BBS9: variants seen among roughly 807,000 people sequenced by gnomAD.
BBS9 encodes the protein protein PTHB1.
A neutral mutation model predicts 117.7 loss-of-function variants in BBS9; 89 were observed. That is an observed-to-expected ratio of 0.76 (90% confidence interval 0.64 to 0.90). The LOEUF is 0.90. Ranked by LOEUF, BBS9 falls within the 40% of genes least tolerant of loss-of-function variation. The pLI, the probability that BBS9 is intolerant of heterozygous loss-of-function variation, is 0.00. For missense variants in BBS9, 982 were observed against 1,042.2 expected, an observed-to-expected ratio of 0.94 and a Z score of 0.80; for synonymous variants, 379 against 370.9, an observed-to-expected ratio of 1.02 and a Z score of -0.25.
chr7:33,199,884 GA>G lies in BBS9; in HGVS notation c.442+22296del, dbSNP rs1160967318. ...TTATTTTAAGCCTTGCAAGAGCCCAGAAACATTCAAAATAACTTTTAACCAT... is the reference window on the plus strand; with the variant it reads ...TTATTTTAAGCCTTGCAAGAGCCCAGAACATTCAAAATAACTTTTAACCAT... On this transcript the variant is annotated intron_variant, in intron 5 of 22. Coordinates refer to ENST00000242067, the MANE Select transcript of BBS9 (RefSeq NM_198428.3). Among the ~76,000 whole-genome samples the G allele has an allele frequency of 2.6e-5, 4 of 151,768 alleles. No individual in the cohort carries two copies. In the East Asian group the frequency reaches 7.7e-4, roughly 29 times the overall value.
chr7:33,590,208 A>G (rs1482077929), intron 21 of BBS9, among the ~76,000 whole-genome samples: 1 of 152,076 alleles, frequency 6.6e-6, no homozygotes, highest in Non-Finnish European at 1.5e-5. Flanking sequence ...ACTGGGATGG[A>G]TGTGTGAGAG....
intron 5 of BBS9, among the ~76,000 whole-genome samples, chr7:33,213,295 C>T (rs1788384155): frequency 6.6e-6 from 1 of 152,162 alleles, no homozygotes; most frequent in Admixed American, 6.5e-5. Flanking sequence ...TCTGGCAGGC[C>T]ACTGACCATG....
At chr7:33,158,691 G>A (rs1449091874) in intron 4 of BBS9, among the ~76,000 whole-genome samples, 1 of 152,092 alleles carries the variant, frequency 6.6e-6, no homozygotes, top group Non-Finnish European at 1.5e-5. Flanking sequence ...AGTTCCTAAT[G>A]TTCCTGCTTG....
chr7:33,626,129 A>G (rs1334885155), intron 21 of BBS9, among the ~76,000 whole-genome samples: 1 of 152,100 alleles, frequency 6.6e-6, no homozygotes, highest in Non-Finnish European at 1.5e-5. Flanking sequence ...GATAGTGAGT[A>G]AGTTCTCACA....
rs527411284 is a variant in BBS9, at chr7:33,431,826, G to A, written c.2115+43682G>A. On this transcript the variant is annotated intron_variant, in intron 19 of 22. Coordinates refer to ENST00000242067, the MANE Select transcript of BBS9 (RefSeq NM_198428.3). ...TGGAAATTACTCCTGATGTGTGGTCGACATAATACACCATGAATGTTCATA... is the reference window on the plus strand; with the variant it reads ...TGGAAATTACTCCTGATGTGTGGTCAACATAATACACCATGAATGTTCATA... Among the ~76,000 whole-genome samples, 81 of 152,248 alleles carry A rather than the reference G, an allele frequency of 5.3e-4. 1 individual carries two copies. The highest frequency in any genetic ancestry group is 1.5e-4 in the Non-Finnish European group (10 of 68,022).
At chr7:33,368,614 ACAC>A (rs1822268486) in intron 17 of BBS9, among the ~76,000 whole-genome samples, 1 of 145,558 alleles carries the variant, frequency 6.9e-6, no homozygotes, top group African/African-American at 2.6e-5. Context: ...ACACACACAC[ACAC>A]CCATACCCCC....
At chr7:33,388,262 T>A in intron 19 of BBS9, 118 bp downstream of exon 19, 6 of 1,254,534 alleles carry the variant, frequency 4.8e-6, no homozygotes, top group Non-Finnish European at 6.9e-6. Flanking sequence ...TAAGGAACAG[T>A]GAACAGTGCA....
At chr7:33,625,806 G>A (rs1865610897) in intron 21 of BBS9, among the ~76,000 whole-genome samples, 1 of 152,086 alleles carries the variant, frequency 6.6e-6, no homozygotes, top group Non-Finnish European at 1.5e-5. Context: ...CACAGTTAAG[G>A]ATTAGCAGTT....
chr7:33,470,402 A>G (rs557101781), intron 19 of BBS9, among the ~76,000 whole-genome samples: 18 of 151,790 alleles, frequency 1.2e-4, no homozygotes, highest in African/African-American at 4.1e-4. Flanking sequence ...TAAAATATAT[A>G]TTTTTTTCTA....
rs1464470965 is a variant in BBS9, at chr7:33,492,208, AAAAAAC to A, written c.2116-13249_2116-13244del. Among the ~76,000 whole-genome samples the A allele has an allele frequency of 7.4e-5, 11 of 147,876 alleles. 1 individual carries two copies. The highest frequency in any genetic ancestry group is 2.3e-4 in the African/African-American group (9 of 39,226). On this transcript the variant is annotated intron_variant, in intron 19 of 22. Transcript: ENST00000242067. The stretch of plus-strand genomic sequence containing the variant: ...ACAAAGCAAGATTCCACCTCGAAAA[AAAAAAC>A]AAAAAAAAAACAAAAAAAAAACTTG...
At chr7:33,634,634 G>A (rs1039490906) in intron 21 of BBS9, among the ~76,000 whole-genome samples, 1 of 152,278 alleles carries the variant, frequency 6.6e-6, no homozygotes, top group East Asian at 1.9e-4. Context: ...GGCCCAGGCT[G>A]TGTCACGTAA....
At chr7:33,478,700 TTTTG>T (rs1249428901) in intron 19 of BBS9, among the ~76,000 whole-genome samples, 9 of 152,146 alleles carry the variant, frequency 5.9e-5, no homozygotes, top group Admixed American at 1.3e-4. Flanking sequence ...GTGCCAGGTT[TTTTG>T]TTTGTTTTTC....
chr7:33,632,963 G>C (rs1024756499), intron 21 of BBS9, among the ~76,000 whole-genome samples: 2 of 152,098 alleles, frequency 1.3e-5, no homozygotes, highest in South Asian at 2.1e-4. Flanking sequence ...AAGGATCAAG[G>C]AAACCTTTCA....
chr7:33,308,682 A>C (rs1474266661), intron 9 of BBS9, among the ~76,000 whole-genome samples: 2 of 152,188 alleles, frequency 1.3e-5, no homozygotes, highest in Non-Finnish European at 2.9e-5. Context: ...TGATTGTGGC[A>C]GTTTTCAAGA....
intron 5 of BBS9, among the ~76,000 whole-genome samples, chr7:33,249,068 C>A (rs1056734453): frequency 1.4e-4 from 21 of 152,096 alleles, no homozygotes; most frequent in African/African-American, 4.8e-4. Context: ...GTTTGCTACA[C>A]CACTTACTCT....
intron 17 of BBS9, among the ~76,000 whole-genome samples, chr7:33,373,245 A>G (rs1030995526): frequency 1.3e-5 from 2 of 152,178 alleles, no homozygotes; most frequent in African/African-American, 4.8e-5. Flanking sequence ...AAAACAAGTT[A>G]CTCAAGATAT....
chr7:33,296,700 G>T (rs558551346), intron 9 of BBS9, among the ~76,000 whole-genome samples: 1 of 152,082 alleles, frequency 6.6e-6, no homozygotes, highest in African/African-American at 2.4e-5. Context: ...CCAGACTTGT[G>T]TTTCTTTCCA....
chr7:33,314,641 A>G (rs978515619), intron 9 of BBS9: 2 of 152,632 alleles, frequency 1.3e-5, no homozygotes, highest in Admixed American at 1.3e-4. Context: ...TATTATAGAT[A>G]AAGATAAACT....
At chr7:33,511,725 G>T (rs1201256095) in intron 20 of BBS9, among the ~76,000 whole-genome samples, 6 of 152,178 alleles carry the variant, frequency 3.9e-5, no homozygotes, top group African/African-American at 1.4e-4. Flanking sequence ...TATGGAAAGA[G>T]AAACTTATTT....
Sources: allele counts gnomAD v4.1 joint callset (sites outside exome capture counted in the v4.1 genomes callset), GRCh38; gene constraint gnomAD v4.1.1; transcripts MANE v1.5; gene names NCBI Gene and HGNC (gene_info 2026-07-23, HGNC 2026-07-21).